The following APCDD1 variants were observed in gnomAD, a reference collection of about 807,000 sequenced individuals.
The protein encoded by APCDD1 is APC down-regulated 1, also known as protein APCDD1.
In APCDD1, 15 loss-of-function variants were observed where a neutral mutation model predicts 38.1. That is an observed-to-expected ratio of 0.39 (90% confidence interval 0.26 to 0.61). APCDD1 has a LOEUF of 0.61. Ranked by LOEUF, APCDD1 falls within the 20% of genes least tolerant of loss-of-function variation. The probability of loss-of-function intolerance (pLI) is 0.49; values close to 1 mark genes in which losing one functional copy is unlikely to be tolerated. For synonymous variants in APCDD1, 261 were observed against 279.7 expected, an observed-to-expected ratio of 0.93 and a Z score of 0.67; for missense variants, 647 against 696.2, an observed-to-expected ratio of 0.93 and a Z score of 0.79.
rs547668 is a variant in APCDD1, at chr18:10,476,824, G to T, written c.774+4763G>T. ...CGGGCTTTGGGAGTACCTGAGAACT[G>T]CAGAAAAAGAGCATGCTGTGCTTTC... On this transcript the variant is annotated intron_variant, in intron 3 of 4. Transcript: ENST00000355285. This position sits in a 1 kb window ranked among gnomAD's most constrained non-coding sequence, Gnocchi z 5.8. The T allele has an allele frequency of 0.24, 36,597 of 152,224 alleles. 5,970 individuals are homozygous for T. Among genetic ancestry groups the T allele is most frequent in the African/African-American group, 0.47 (19,293 of 41,486 alleles). The allele number at this position is 152,224 out of a possible 1,614,324, so 9.4% of individuals were successfully genotyped here. A position where few individuals can be genotyped will look rare whatever the true frequency, so the allele number is the denominator to read the frequency against.
At chr18:10,473,508 G>A (rs476792) in intron 3 of APCDD1, among the ~76,000 whole-genome samples, 67,411 of 152,062 alleles carry the variant, frequency 0.44, 15,221 homozygotes, top group East Asian at 0.59. Context: ...GGCAGAGAGG[G>A]AGGGCAGCCT....
chr18:10,487,469 T>C, intron 4 of APCDD1, 121 bp from the exon 5 acceptor site: 1 of 968,708 alleles, frequency 1.0e-6, no homozygotes, highest in Admixed American at 2.0e-5. Context: ...GGTCTGTAGG[T>C]GGGATTGTTT....
Position 10,468,594 on chromosome 18 carries a change from G to T in APCDD1, c.184G>T (p.Gly62Cys), listed in dbSNP as rs1208965826. ...CHHMLKHLHN[G>C]ARITVQMPPT... ...TCACATGCTCAAACATCTCCACAAT[G>T]GTGCAAGGATCACAGTGCAGATGCC... The change falls in exon 2 of 5, where the codon GGT becomes TGT. Residue 62 changes from glycine (G) to cysteine (C), a missense_variant. By Grantham distance (159) the Gly-to-Cys change is radical (BLOSUM62 -3). Transcript: ENST00000355285. 1.2e-6 allele frequency: 2 copies of T among 1,614,048 alleles called. No individual in the cohort carries two copies. The highest frequency in any genetic ancestry group is 1.7e-6 in the Non-Finnish European group (2 of 1,180,038).
In APCDD1 at chr18:10,485,716, C is replaced by A. The variant is rs764870800; in HGVS notation, c.1029C>A (p.Ala343=). 3.1e-6 allele frequency: 5 copies of A among 1,614,178 alleles called. No individual in the cohort carries two copies. Among genetic ancestry groups the A allele is most frequent in the Middle Eastern group, 1.6e-4 (1 of 6,062 alleles). The part of the protein sequence containing the change: ...VCKHPTFSIY[A]RGRYSRGVLS... The stretch of plus-strand genomic sequence containing the variant: ...AGCACCCCACCTTCTCCATCTACGC[C>A]CGGGGCCGCTACAGCCGCGGCGTCC... Residue 343 remains alanine (A), a synonymous_variant, in exon 4 of 5, where the codon GCC becomes GCA. Transcript: ENST00000355285. This position sits in a 1 kb window ranked among gnomAD's most constrained non-coding sequence, Gnocchi z 5.8.
At position 10,472,049 on chromosome 18, in the gene APCDD1, G is replaced by GCAGAATGCCAAGGTA. The variant is rs1302635831; in HGVS notation, c.764_774+4dup. 6 of 1,613,406 alleles carry GCAGAATGCCAAGGTA rather than the reference G, an allele frequency of 3.7e-6. No individual in the cohort carries two copies. The highest frequency in any genetic ancestry group is 5.1e-6 in the Non-Finnish European group (6 of 1,180,034). ...GGCCCTCCAGTTACCAGCCCCCTCT[G>GCAGAATGCCAAGGTA]CAGAATGCCAAGGTACCTCAGAGCT... is the stretch of plus-strand genomic sequence containing the variant. On this transcript the variant is annotated inframe_insertion, in exon 3 of 5. Transcript: ENST00000355285. This position sits in a 1 kb window ranked among gnomAD's most constrained non-coding sequence, Gnocchi z 6.6.
Position 10,455,037 on chromosome 18 carries a change from A to G in APCDD1, c.56A>G (p.His19Arg). The part of the protein sequence containing the change: ...LRYLFPALLL[H>R]GLGEGSALLH... The stretch of plus-strand genomic sequence containing the variant: ...TACCTGTTCCCGGCCCTCCTGCTTC[A>G]CGGTGAGTTCCCGAGGGCCACTCGA... The change falls in exon 1 of 5, where the codon CAC becomes CGC. Residue 19 changes from histidine (H) to arginine (R), a missense_variant and splice_region_variant. His to Arg is a conservative substitution (Grantham distance 29). Transcript: ENST00000355285. 6.4e-7 allele frequency: 1 copy of G among 1,564,162 alleles called. No homozygotes were observed.
intron 1 of APCDD1, among the ~76,000 whole-genome samples, chr18:10,462,425 TTCCC>T (rs143835310): frequency 0.019 from 1,573 of 84,062 alleles, 14 homozygotes; most frequent in Middle Eastern, 0.026. Context: ...CTTCCTTCCT[TTCCC>T]CCTTGCTCCC....
At chr18:10,478,795 C>A (rs1163638686) in intron 3 of APCDD1, among the ~76,000 whole-genome samples, 1 of 152,156 alleles carries the variant, frequency 6.6e-6, no homozygotes, top group Non-Finnish European at 1.5e-5. Context: ...CAGCTCTTCA[C>A]CCACTTCCTT....
intron 1 of APCDD1, among the ~76,000 whole-genome samples, chr18:10,464,359 A>G (rs7236859): frequency 2.3e-5 from 3 of 128,128 alleles, no homozygotes; most frequent in Non-Finnish European, 5.2e-5. Context: ...CACACACACA[A>G]AAACATCTTT....
intron 1 of APCDD1, among the ~76,000 whole-genome samples, chr18:10,455,796 T>A (rs2143500289): frequency 6.6e-6 from 1 of 152,196 alleles, no homozygotes; most frequent in East Asian, 1.9e-4. Context: ...TTCCAGAAAT[T>A]GCGCTGAAAA....
chr18:10,488,701 A>G lies in APCDD1; in HGVS notation c.*663A>G, dbSNP rs2031307851. On this transcript the variant is annotated 3_prime_UTR_variant, in exon 5 of 5. Coordinates refer to ENST00000355285, the MANE Select transcript of APCDD1 (RefSeq NM_153000.5). The stretch of plus-strand genomic sequence containing the variant: ...TTAAAGTTTCGAAGTAATTTAACCT[A>G]TTTTTACATCATTTGTCTTACCTTG... 1 of 152,272 alleles carries G rather than the reference A, an allele frequency of 6.6e-6. No homozygotes were observed. The highest frequency in any genetic ancestry group is 2.4e-5 in the African/African-American group (1 of 41,444). 9.4% of individuals were successfully genotyped at this position (152,272 alleles called of 1,614,324 possible). A position where few individuals can be genotyped will look rare whatever the true frequency, so the allele number is the denominator to read the frequency against.
intron 1 of APCDD1, among the ~76,000 whole-genome samples, chr18:10,459,757 A>G (rs558260982): frequency 6.6e-6 from 1 of 152,368 alleles, no homozygotes; most frequent in South Asian, 2.1e-4. Flanking sequence ...GCACACATTT[A>G]CAGTAATGAC....
In APCDD1 at chr18:10,471,410, CAG is replaced by C; in HGVS notation, c.243-117_243-116del. 3 of 1,303,428 alleles carry C rather than the reference CAG, an allele frequency of 2.3e-6. No individual in the cohort carries two copies. Among genetic ancestry groups the C allele is most frequent in the Middle Eastern group, 2.2e-4 (1 of 4,566 alleles). 80.7% of individuals were successfully genotyped at this position (1,303,428 alleles called of 1,614,324 possible). A position where few individuals can be genotyped will look rare whatever the true frequency, so the allele number is the denominator to read the frequency against. ...GTTGGTATCTATAAAGGGCTGACAA[CAG>C]AGTCTGGCCCATCGTCAGCACTTTA... On this transcript the variant is annotated intron_variant, in intron 2 of 4. Coordinates refer to ENST00000355285, the MANE Select transcript of APCDD1 (RefSeq NM_153000.5). The surrounding 1 kb of genome is among the most constrained non-coding windows in gnomAD (Gnocchi z 5.5).
chr18:10,487,362 A>G (rs184377225), intron 4 of APCDD1, among the ~76,000 whole-genome samples: 11 of 152,274 alleles, frequency 7.2e-5, no homozygotes, highest in Admixed American at 7.2e-4. Flanking sequence ...TTGCATGGCC[A>G]CACCTGCAGC....
chr18:10,477,994 A>AG lies in APCDD1; in HGVS notation c.774+5935dup, dbSNP rs1176455674. ...TTCTAATGTTAACTAAAACAAAAAAAGGCCTTTGTGAGCTCACTTCTCAGA... is the reference window on the plus strand; with the variant it reads ...TTCTAATGTTAACTAAAACAAAAAAAGGGCCTTTGTGAGCTCACTTCTCAGA... On this transcript the variant is annotated intron_variant, in intron 3 of 4. Coordinates refer to ENST00000355285, the MANE Select transcript of APCDD1 (RefSeq NM_153000.5). The AG allele has an allele frequency of 5.3e-4, 80 of 152,318 alleles. 1 individual carries two copies. Among genetic ancestry groups the AG allele is most frequent in the African/African-American group, 1.9e-3 (79 of 41,570 alleles). The allele number at this position is 152,318 out of a possible 1,614,324, so 9.4% of individuals were successfully genotyped here. A position where few individuals can be genotyped will look rare whatever the true frequency, so the allele number is the denominator to read the frequency against.
At position 10,488,030 on chromosome 18, in the gene APCDD1, C is replaced by T. The variant is rs754328837; in HGVS notation, c.1537C>T (p.Arg513Cys). 9 of 1,613,678 alleles carry T rather than the reference C, an allele frequency of 5.6e-6. No individual in the cohort carries two copies. Among genetic ancestry groups the T allele is most frequent in the South Asian group, 4.4e-5 (4 of 91,074 alleles). ...TGTCCCTCTGCTGCATTGGAACATCCGCAGATAGAAGTTTTAGAAAGTTCT... is the reference window on the plus strand; with the variant it reads ...TGTCCCTCTGCTGCATTGGAACATCTGCAGATAGAAGTTTTAGAAAGTTCT... ...CLVPLLHWNI[R>C]R The change falls in exon 5 of 5, where the codon CGC (arginine) becomes TGC (cysteine). Residue 513 changes from arginine to cysteine, a missense_variant. Coordinates refer to ENST00000355285, the MANE Select transcript of APCDD1 (RefSeq NM_153000.5).
At chr18:10,459,378 C>G (rs909209483) in intron 1 of APCDD1, among the ~76,000 whole-genome samples, 7 of 152,142 alleles carry the variant, frequency 4.6e-5, no homozygotes, top group African/African-American at 1.7e-4. Context: ...TGTGGCTAGT[C>G]AGCTGCAGAT....
intron 1 of APCDD1, among the ~76,000 whole-genome samples, chr18:10,465,417 A>G (rs1031107251): frequency 2.0e-5 from 3 of 152,192 alleles, no homozygotes; most frequent in Non-Finnish European, 4.4e-5. Flanking sequence ...CCTCACTCAT[A>G]AATTACACTC....
intron 4 of APCDD1, 88 bp from the exon 5 acceptor site, chr18:10,487,502 G>T: frequency 7.5e-7 from 1 of 1,335,910 alleles, no homozygotes; most frequent in Non-Finnish European, 1.1e-6. Context: ...GCCTTGTCTA[G>T]TTAGAGTGTG....
Sources: allele counts gnomAD v4.1 joint callset (sites outside exome capture counted in the v4.1 genomes callset), GRCh38; gene constraint gnomAD v4.1.1; non-coding constraint Gnocchi (gnomAD v3.1); transcripts MANE v1.5; gene names NCBI Gene and HGNC (gene_info 2026-07-23, HGNC 2026-07-21).